Variants in LTBP4 observed in about 807,000 individuals in gnomAD.
LTBP4 encodes latent-transforming growth factor beta-binding protein 4.
A neutral mutation model predicts 180.2 loss-of-function variants in LTBP4; 93 were observed. The observed-to-expected ratio is 0.52, with a 90% confidence interval of 0.44 to 0.61. The LOEUF (loss-of-function observed/expected upper bound fraction) is 0.61. Among genes scored for constraint, LTBP4 ranks in the 20% least tolerant of loss-of-function variants. The pLI, the probability that LTBP4 is intolerant of heterozygous loss-of-function variation, is 0.00. For synonymous variants in LTBP4, 947 were observed against 934.5 expected (o/e 1.01, Z -0.24); for missense variants, 2,116 against 2,256.5 (o/e 0.94, Z 1.26).
In LTBP4 at chr19:40,613,750, G is replaced by A. The variant is rs984592337; in HGVS notation, c.2558-166G>A. The A allele has an allele frequency of 6.3e-6, 8 of 1,274,426 alleles. No homozygotes were observed. The highest frequency in any genetic ancestry group is 2.9e-5 in the African/African-American group (2 of 68,072). The allele number at this position is 1,274,426 out of a possible 1,614,324, so 78.9% of individuals were successfully genotyped here. ...TTTGGACCGTGATTGTAAAGAAGCT[G>A]TTCTAAACCCGTCGGGGGGCGGTGT... On this transcript the variant is annotated intron_variant, in intron 17 of 29. Transcript: ENST00000396819. This position sits in a 1 kb window ranked among gnomAD's most constrained non-coding sequence, Gnocchi z 5.0.
In LTBP4 at chr19:40,601,428, T is replaced by C; in HGVS notation, c.41T>C (p.Val14Ala). Reference protein sequence around the residue: ...GVRLLWVSLLVLLAQLGPQPG... With the variant: ...GVRLLWVSLLALLAQLGPQPG... ...CGGCTGCTCTGGGTGTCGCTATTGGTGCTGCTGGCGCAGCTAGGGCCGCAG... is the reference window on the plus strand; with the variant it reads ...CGGCTGCTCTGGGTGTCGCTATTGGCGCTGCTGGCGCAGCTAGGGCCGCAG... Residue 14 changes from valine (V) to alanine (A), a missense_variant, in exon 1 of 30, where the codon GTG becomes GCG. Physicochemically the swap from Val to Ala is moderately conservative, Grantham distance 64 (BLOSUM62 0). Coordinates refer to ENST00000396819, the MANE Select transcript of LTBP4 (RefSeq NM_001042545.2). 6.9e-7 allele frequency: 1 copy of C among 1,449,654 alleles called. No homozygotes were observed. The highest frequency in any genetic ancestry group is 9.1e-7 in the Non-Finnish European group (1 of 1,102,682). The allele number at this position is 1,449,654 out of a possible 1,614,324, so 89.8% of individuals were successfully genotyped here. A position where few individuals can be genotyped will look rare whatever the true frequency, so the allele number is the denominator to read the frequency against.
At position 40,613,368 on chromosome 19, in the gene LTBP4, G is replaced by T. The variant is rs774434073; in HGVS notation, c.2432-36G>T. On this transcript the variant is annotated intron_variant, in intron 16 of 29. Coordinates refer to ENST00000396819, the MANE Select transcript of LTBP4 (RefSeq NM_001042545.2). The surrounding 1 kb of genome is among the most constrained non-coding windows in gnomAD (Gnocchi z 5.0). The stretch of plus-strand genomic sequence containing the variant: ...GGGCGGAGCTTGTCTGGGAGGCCGG[G>T]TCCCGTGACTCCGCCCAATCTCCCG... 2 of 1,594,886 alleles carry T rather than the reference G, an allele frequency of 1.3e-6. No homozygotes were observed. The highest frequency in any genetic ancestry group is 4.6e-5 in the East Asian group (2 of 43,808).
At chr19:40,597,433 G>A, upstream of LTBP4, 1 of 1,416,578 alleles carries the variant, frequency 7.1e-7, no homozygotes. Context: ...TGGTGGTCCA[G>A]GAGGACCACG....
At position 40,611,668 on chromosome 19, in the gene LTBP4, G is replaced by A. The variant is rs1229852232; in HGVS notation, c.2054-191G>A. Among the ~76,000 whole-genome samples, 1 of 152,190 alleles carries A rather than the reference G, an allele frequency of 6.6e-6. No homozygotes were observed. The highest frequency in any genetic ancestry group is 1.5e-5 in the Non-Finnish European group (1 of 68,028). ...CAGGCAACATGGAGTTGGTGCCTTA[G>A]CCCCCACCTTAGTAGCTGGAGAGAC... On this transcript the variant is annotated intron_variant, in intron 13 of 29. Coordinates refer to ENST00000396819, the MANE Select transcript of LTBP4 (RefSeq NM_001042545.2). This position sits in a 1 kb window ranked among gnomAD's most constrained non-coding sequence, Gnocchi z 4.4.
chr19:40,596,336 GGCCC>G (rs1346099697), intron 1 of LTBP4, among the ~76,000 whole-genome samples: 7 of 152,194 alleles, frequency 4.6e-5, no homozygotes, highest in African/African-American at 1.7e-4. Context: ...TGGGATTACA[GGCCC>G]GCGCCAGGGC....
chr19:40,604,238 G>C (rs896808147), intron 1 of LTBP4, among the ~76,000 whole-genome samples: 1 of 151,994 alleles, frequency 6.6e-6, no homozygotes, highest in Non-Finnish European at 1.5e-5. Context: ...AGAATCCCGC[G>C]GGTAGAAGGT....
chr19:40,627,606 T>C, intron 28 of LTBP4, 99 bp from the exon 29 acceptor site: 1 of 1,476,204 alleles, frequency 6.8e-7, no homozygotes, highest in South Asian at 1.3e-5. Flanking sequence ...GATGGACAGT[T>C]TACAGCGAGA....
rs531174154 is a variant in LTBP4 at position 40,627,008 on chromosome 19, C to T, written c.4019C>T (p.Pro1340Leu). ...DFEALCNVLR[P>L]PAYSPPRPGG... Reference sequence around the variant, plus strand: ...GAGGCCCTGTGCAATGTGCTACGCCCCCCCGCATATAGCCCCCCGCGACCA... The same window carrying T: ...GAGGCCCTGTGCAATGTGCTACGCCTCCCCGCATATAGCCCCCCGCGACCA... Residue 1340 changes from proline to leucine, a missense_variant, in exon 28 of 30, where the codon CCC becomes CTC. Transcript: ENST00000396819. The T allele has an allele frequency of 1.3e-6, 2 of 1,591,800 alleles. No individual in the cohort carries two copies. Among genetic ancestry groups the T allele is most frequent in the African/African-American group, 1.3e-5 (1 of 74,648 alleles).
At chr19:40,598,056 A>G (rs796776598), upstream of LTBP4, among the ~76,000 whole-genome samples, 25 of 152,174 alleles carry the variant, frequency 1.6e-4, no homozygotes, top group African/African-American at 6.0e-4. Context: ...TCTGGGGGCT[A>G]TAGGCGCCCT....
rs1555730677 is a variant in LTBP4 at position 40,605,517 on chromosome 19, G to T, written c.555G>T (p.Val185=). ...GPWEEADAEA[V]ARAEAAARAE... is the part of the protein sequence containing the mutation. ...GGGAGGAGGCGGACGCTGAGGCGGT[G>T]GCGCGGGCGGAAGCGGCGGCGCGGG... The change falls in exon 3 of 30, where the codon GTG becomes GTT. Residue 185 remains valine (V), a synonymous_variant. Transcript: ENST00000396819. This position sits in a 1 kb window ranked among gnomAD's most constrained non-coding sequence, Gnocchi z 5.5. The T allele has an allele frequency of 6.2e-7, 1 of 1,609,108 alleles. No individual in the cohort carries two copies. Among genetic ancestry groups the T allele is most frequent in the Non-Finnish European group, 8.5e-7 (1 of 1,178,522 alleles).
chr19:40,622,697 T>C lies in LTBP4; in HGVS notation c.3484+30T>C. On this transcript the variant is annotated intron_variant, in intron 23 of 29. Transcript: ENST00000396819. The surrounding 1 kb of genome is among the most constrained non-coding windows in gnomAD (Gnocchi z 5.1). ...GCATGGGCTGATGGGGACACAGGGC[T>C]GAGGGCTTGGGTGGAAATACTGGGT... is the stretch of plus-strand genomic sequence containing the variant. The C allele has an allele frequency of 1.9e-6, 3 of 1,573,346 alleles. No individual in the cohort carries two copies. The highest frequency in any genetic ancestry group is 2.3e-5 in the South Asian group (2 of 87,730).
At position 40,623,701 on chromosome 19, in the gene LTBP4, C is replaced by T. The variant is rs749851224; in HGVS notation, c.3654C>T (p.Tyr1218=). The T allele has an allele frequency of 6.2e-7, 1 of 1,613,830 alleles. No individual in the cohort carries two copies. The highest frequency in any genetic ancestry group is 1.3e-5 in the African/African-American group (1 of 74,898). The change falls in exon 25 of 30, where the codon TAC becomes TAT. Residue 1218 remains tyrosine (Y), a synonymous_variant. Transcript: ENST00000396819. The part of the protein sequence containing the change: ...PGYSCYCSNG[Y]YYHTQRLECI... ...ACTCATGCTATTGCAGCAACGGCTA[C>T]TACTACCACACACAGCGGCTGGAGT...
chr19:40,619,074 A>T (rs1437575198), intron 21 of LTBP4, among the ~76,000 whole-genome samples: 1 of 151,944 alleles, frequency 6.6e-6, no homozygotes, highest in East Asian at 1.9e-4. Flanking sequence ...CCTATGTCTG[A>T]ACCAGAGAAA....
In LTBP4 at chr19:40,594,101, AG is replaced by A. The variant is rs201424046; in HGVS notation, c.16+925del. ...ACGTGAGCCGGCCTTATTCTGGGGG[AG>A]GGGGTGGGGGGGGAGAGAGAGAGAG... On this transcript the variant is annotated intron_variant, in intron 1 of 32. Transcript: ENST00000204005. Among the ~76,000 whole-genome samples, 766 of 119,948 alleles carry A rather than the reference AG, an allele frequency of 6.4e-3. 7 individuals carry two copies. Among genetic ancestry groups the A allele is most frequent in the African/African-American group, 0.02 (677 of 33,212 alleles). 78.7% of individuals were successfully genotyped at this position (119,948 alleles called of 152,430 possible).
chr19:40,597,240 G>A (rs1233325097), upstream of LTBP4: 11 of 1,499,852 alleles, frequency 7.3e-6, no homozygotes, highest in East Asian at 3.0e-4. Flanking sequence ...ACACGATGCC[G>A]AGGCCTGGCA....
At chr19:40,625,075 C>T (rs1251222645) in intron 26 of LTBP4, among the ~76,000 whole-genome samples, 1 of 149,536 alleles carries the variant, frequency 6.7e-6, no homozygotes, top group Non-Finnish European at 1.5e-5. Flanking sequence ...CTCTACTTGT[C>T]GTTGTTTGTT....
At position 40,629,053 on chromosome 19, in the gene LTBP4, T is replaced by C. The variant is rs1335452340; in HGVS notation, c.4520-343T>C. On this transcript the variant is annotated intron_variant, in intron 29 of 29. Transcript: ENST00000396819. The surrounding 1 kb of genome is among the most constrained non-coding windows in gnomAD (Gnocchi z 4.5). ...TTAGTAGAGACGGGGTCTCACCATG[T>C]TGGCCAGGTTCGTCTCGAACTCCGG... Among the ~76,000 whole-genome samples the C allele has an allele frequency of 6.6e-6, 1 of 152,104 alleles. No homozygotes were observed. Among genetic ancestry groups the C allele is most frequent in the African/African-American group, 2.4e-5 (1 of 41,434 alleles).
upstream of LTBP4, among the ~76,000 whole-genome samples, chr19:40,601,006 CTT>C (rs1398833741): frequency 6.6e-6 from 1 of 152,196 alleles, no homozygotes; most frequent in Admixed American, 6.5e-5. Flanking sequence ...AGGATCAACT[CTT>C]AGCTGTCTCC....
intron 7 of LTBP4, 106 bp downstream of exon 7, chr19:40,607,635 C>T (rs957396265): frequency 5.3e-6 from 7 of 1,312,902 alleles, no homozygotes; most frequent in Non-Finnish European, 7.1e-6. Flanking sequence ...ACTGGCTGGG[C>T]TCCAGCCTTG....
Sources: allele counts gnomAD v4.1 joint callset (sites outside exome capture counted in the v4.1 genomes callset), GRCh38; gene constraint gnomAD v4.1.1; non-coding constraint Gnocchi (gnomAD v3.1); transcripts MANE v1.5; gene names NCBI Gene and HGNC (gene_info 2026-07-23, HGNC 2026-07-21).